NRF1: variants seen among roughly 807,000 people sequenced by gnomAD.
NRF1 encodes alpha palindromic-binding protein.
In NRF1, 5 loss-of-function variants were observed where a neutral mutation model predicts 58.5. The ratio of observed to expected loss-of-function variants is 0.09; its 90% CI spans 0.04 to 0.18. NRF1 has a LOEUF of 0.18. NRF1 is among the 10% of genes least tolerant of loss of function. The pLI is 1.00. For synonymous variants in NRF1, 224 were observed against 246.7 expected (o/e 0.91, Z 0.86); for missense variants, 288 against 657.7 (o/e 0.44, Z 6.15).
chr7:129,754,225 C>T (rs543488973), intron 10 of NRF1, among the ~76,000 whole-genome samples: 130 of 151,812 alleles, frequency 8.6e-4, no homozygotes, highest in African/African-American at 3.1e-3. Context: ...ATTCAGGAGG[C>T]CAAGGTGGGA....
At position 129,741,316 on chromosome 7, in the gene NRF1, C is replaced by G. The variant is rs6948697; in HGVS notation, c.1349-13702C>G. Among the ~76,000 whole-genome samples, 74,429 of 151,988 alleles carry G rather than the reference C, an allele frequency of 0.49. 19,230 individuals carry two copies. Among genetic ancestry groups the G allele is most frequent in the Non-Finnish European group, 0.58 (39,290 of 67,960 alleles). On this transcript the variant is annotated intron_variant, in intron 10 of 10. Transcript: ENST00000393232. The surrounding 1 kb of genome is among the most constrained non-coding windows in gnomAD (Gnocchi z 4.0). ...GTCTCCTCTCCATCCACGGTGTCCT[C>G]AAGGCCAAGTTACATGCTTCTTTGT...
At chr7:129,626,139 A>G (rs1800914267) in intron 1 of NRF1, among the ~76,000 whole-genome samples, 1 of 152,192 alleles carries the variant, frequency 6.6e-6, no homozygotes, top group Non-Finnish European at 1.5e-5. Flanking sequence ...TAATTTTAAG[A>G]CAGGGACAAT....
intron 2 of NRF1, among the ~76,000 whole-genome samples, chr7:129,670,274 G>A (rs1186182112): frequency 1.3e-5 from 2 of 152,204 alleles, no homozygotes; most frequent in Non-Finnish European, 2.9e-5. Context: ...TAGCAATGAT[G>A]TGTTGTCCAC....
chr7:129,629,620 G>GCTGAATGCAACACTT (rs1801003957), intron 1 of NRF1, among the ~76,000 whole-genome samples: 1 of 152,206 alleles, frequency 6.6e-6, no homozygotes, highest in African/African-American at 2.4e-5. Context: ...GCAGCAGAAA[G>GCTGAATGCAACACTT]CTGAATGCAA....
chr7:129,748,274 C>CAAAAA (rs10655886), intron 10 of NRF1, among the ~76,000 whole-genome samples: 181 of 77,648 alleles, frequency 2.3e-3, no homozygotes, highest in East Asian at 6.8e-3. Flanking sequence ...GACTCCGTCT[C>CAAAAA]AAAAAAAAAA....
chr7:129,646,829 CTT>C (rs1339378889), intron 1 of NRF1, among the ~76,000 whole-genome samples: 1 of 152,128 alleles, frequency 6.6e-6, no homozygotes, highest in Non-Finnish European at 1.5e-5. Flanking sequence ...GAAGACAGGG[CTT>C]GGAAGTGAGA....
intron 5 of NRF1, among the ~76,000 whole-genome samples, chr7:129,696,919 C>T (rs1472103756): frequency 1.3e-5 from 2 of 152,058 alleles, no homozygotes; most frequent in African/African-American, 4.8e-5. Context: ...TACATATAAC[C>T]ATGGTTCTCA....
intron 5 of NRF1, among the ~76,000 whole-genome samples, chr7:129,705,089 C>G (rs1802917157): frequency 6.6e-6 from 1 of 152,016 alleles, no homozygotes; most frequent in Non-Finnish European, 1.5e-5. Flanking sequence ...AATTTTAGAA[C>G]AAAAGTTATG....
At chr7:129,746,959 C>T (rs1318944946) in intron 10 of NRF1, among the ~76,000 whole-genome samples, 1 of 152,178 alleles carries the variant, frequency 6.6e-6, no homozygotes, top group Non-Finnish European at 1.5e-5. Context: ...CAACAATTCC[C>T]AAAGGTTTCC....
Position 129,677,692 on chromosome 7 carries a change from C to T in NRF1, c.399C>T (p.Leu133=). 1 of 1,614,084 alleles carries T rather than the reference C, an allele frequency of 6.2e-7. No homozygotes were observed. Among genetic ancestry groups the T allele is most frequent in the Non-Finnish European group, 8.5e-7 (1 of 1,179,942 alleles). ...GTGTGGGACAGCAAGCTATTGTCCT[C>T]TGTATCTCACCCTCCAAACCTAACC... ...TTRVGQQAIV[L]CISPSKPNPV... The change falls in exon 4 of 11, where the codon CTC becomes CTT. Residue 133 remains leucine, a synonymous_variant. Transcript: ENST00000393232.
intron 10 of NRF1, among the ~76,000 whole-genome samples, chr7:129,749,361 C>T (rs146005132): frequency 2.4e-4 from 36 of 151,586 alleles, no homozygotes; most frequent in African/African-American, 8.0e-4. Flanking sequence ...AATGTTATTG[C>T]CATTTATTTG....
At chr7:129,633,649 G>A (rs1370576026) in intron 1 of NRF1, 2 of 152,088 alleles carry the variant, frequency 1.3e-5, no homozygotes, top group Non-Finnish European at 2.9e-5. Context: ...AGGAGGGGGA[G>A]ACTTCCACCA....
chr7:129,622,037 T>C (rs1346364536), intron 1 of NRF1, among the ~76,000 whole-genome samples: 1 of 152,080 alleles, frequency 6.6e-6, no homozygotes, highest in African/African-American at 2.4e-5. Context: ...CGCCTCGGCC[T>C]CCCAAAGTGC....
At chr7:129,691,005 G>A (rs1199023141) in intron 5 of NRF1, among the ~76,000 whole-genome samples, 1 of 152,116 alleles carries the variant, frequency 6.6e-6, no homozygotes, top group Non-Finnish European at 1.5e-5. Context: ...AAGTCAGAGT[G>A]ACAGTCTTCT....
chr7:129,724,486 GT>G (rs1437158480), intron 9 of NRF1, among the ~76,000 whole-genome samples: 4 of 152,294 alleles, frequency 2.6e-5, no homozygotes, highest in South Asian at 4.1e-4. Context: ...TCATCAAAAA[GT>G]TAAAAATGGG....
intron 1 of NRF1, among the ~76,000 whole-genome samples, chr7:129,627,438 C>T (rs1800944525): frequency 6.6e-6 from 1 of 151,910 alleles, no homozygotes; most frequent in Non-Finnish European, 1.5e-5. Flanking sequence ...CCAGGCTGGT[C>T]TCAAACTCCT....
At chr7:129,666,398 A>C (rs891192505) in intron 2 of NRF1, among the ~76,000 whole-genome samples, 3 of 152,190 alleles carry the variant, frequency 2.0e-5, no homozygotes, top group Admixed American at 2.0e-4. Context: ...ATTTTATATT[A>C]ATGGTATCAC....
rs535140241 is a variant in NRF1 at position 129,624,571 on chromosome 7, A to G, written c.-7+12747A>G. On this transcript the variant is annotated intron_variant, in intron 1 of 10. Transcript: ENST00000393232. ...TTAAAAGTCTTCAGTCTCTTCTTGA[A>G]CACATCCAGTGATAGGAAACGTAAC... Among the ~76,000 whole-genome samples, 25 of 152,332 alleles carry G rather than the reference A, an allele frequency of 1.6e-4. 1 individual carries two copies. The East Asian group carries it at 4.8e-3, about 29-fold the overall frequency.
chr7:129,686,073 G>A (rs575379264), intron 4 of NRF1, among the ~76,000 whole-genome samples: 1 of 142,578 alleles, frequency 7.0e-6, no homozygotes, highest in Non-Finnish European at 1.5e-5. Flanking sequence ...CTGCACTCCA[G>A]CCTAGGCAAC....
Sources: allele counts gnomAD v4.1 joint callset (sites outside exome capture counted in the v4.1 genomes callset), GRCh38; gene constraint gnomAD v4.1.1; non-coding constraint Gnocchi (gnomAD v3.1); transcripts MANE v1.5; gene names NCBI Gene and HGNC (gene_info 2026-07-23, HGNC 2026-07-21).